Variants in HK1 observed in about 807,000 individuals in gnomAD.
The protein encoded by HK1 is hexokinase 1, also known as hexokinase-1.
HK1 carries 28 observed loss-of-function variants against 91.6 expected under a neutral mutation model. The ratio of observed to expected loss-of-function variants is 0.31; its 90% CI spans 0.23 to 0.42. The LOEUF is 0.42. Ranked by LOEUF, HK1 falls within the 10% of genes least tolerant of loss-of-function variation. The pLI is 1.00. For missense variants in HK1, 770 were observed against 1,219.8 expected (o/e 0.63, Z 5.49); for synonymous variants, 430 against 468.1 (o/e 0.92, Z 1.05).
At chr10:69,326,855 G>A (rs1014868314) in intron 1 of HK1, among the ~76,000 whole-genome samples, 5 of 152,002 alleles carry the variant, frequency 3.3e-5, no homozygotes, top group African/African-American at 1.2e-4. Flanking sequence ...TTTCATGCAT[G>A]TTTTTACGCT....
intron 7 of HK1, among the ~76,000 whole-genome samples, chr10:69,374,276 C>T (rs925441642): frequency 1.3e-5 from 2 of 152,300 alleles, no homozygotes; most frequent in East Asian, 3.9e-4. Context: ...CTTTGGTGTG[C>T]AGGTCCTTGC....
intron 1 of HK1, among the ~76,000 whole-genome samples, chr10:69,329,972 T>TCATTTGTCTCCCTCTCC (rs1847614525): frequency 6.6e-6 from 1 of 152,032 alleles, no homozygotes; most frequent in African/African-American, 2.4e-5. Flanking sequence ...ATCTCCCTTT[T>TCATTTGTCTCCCTCTCC]CATTTGTCTC....
At chr10:69,270,324 TA>T (rs1844092810) in intron 1 of HK1, among the ~76,000 whole-genome samples, 1 of 152,036 alleles carries the variant, frequency 6.6e-6, no homozygotes, top group African/African-American at 2.4e-5. Context: ...CTCATGCCTG[TA>T]ATCCCTGCAC....
At position 69,380,016 on chromosome 10, in the gene HK1, C is replaced by T. The variant is rs541193570; in HGVS notation, c.1186C>T (p.Arg396Cys). ...VAATLGAILN[R>C]LRDNKGTPRL... ...TGCCACACTGGGCGCCATCTTGAAC[C>T]GCCTGCGTGATAACAAGGGCACACC... The change falls in exon 9 of 18, where the codon CGC becomes TGC. Residue 396 changes from arginine (R) to cysteine (C), a missense_variant. Around this residue, in one of 7 missense-constraint regions of HK1, gnomAD observed 449 missense variants for 665.1 expected, o/e 0.68. Transcript: ENST00000359426. The surrounding 1 kb of genome is among the most constrained non-coding windows in gnomAD (Gnocchi z 4.0). 52 of 1,614,162 alleles carry T rather than the reference C, an allele frequency of 3.2e-5. No individual in the cohort carries two copies. The highest frequency in any genetic ancestry group is 5.5e-5 in the South Asian group (5 of 91,082).
At chr10:69,372,741 T>C (rs541105225) in intron 7 of HK1, among the ~76,000 whole-genome samples, 4 of 152,212 alleles carry the variant, frequency 2.6e-5, no homozygotes, top group African/African-American at 9.6e-5. Flanking sequence ...TACATAGCGG[T>C]CTTTTAAAAA....
chr10:69,372,344 T>G (rs551966219), intron 7 of HK1, among the ~76,000 whole-genome samples: 1 of 152,344 alleles, frequency 6.6e-6, no homozygotes, highest in South Asian at 2.1e-4. Context: ...ATTCCCAAGT[T>G]GCATCACATA....
At chr10:69,387,090 C>T (rs1379052095) in intron 13 of HK1, among the ~76,000 whole-genome samples, 2 of 152,056 alleles carry the variant, frequency 1.3e-5, no homozygotes, top group African/African-American at 4.8e-5. Context: ...AATTGCAGAG[C>T]AGAAACATCA....
At chr10:69,323,213 C>G (rs1441531373) in intron 1 of HK1, among the ~76,000 whole-genome samples, 1 of 151,104 alleles carries the variant, frequency 6.6e-6, no homozygotes, top group South Asian at 2.1e-4. Flanking sequence ...CCACTGCACT[C>G]CAGCCTGGGC....
rs545383142 is a variant in HK1 at position 69,320,221 on chromosome 10, G to T, written c.63+1211G>T. Among the ~76,000 whole-genome samples, 3 of 152,272 alleles carry T rather than the reference G, an allele frequency of 2.0e-5. No homozygotes were observed. The South Asian group carries it at 6.2e-4, about 32-fold the overall frequency. On this transcript the variant is annotated intron_variant, in intron 1 of 17. Coordinates refer to ENST00000359426, the MANE Select transcript of HK1 (RefSeq NM_000188.3). ...GTCAGGGGGATCCAGGTCTCCCAGTGCCTCCACCCAGGAACTTCACCAGGG... is the reference window on the plus strand; with the variant it reads ...GTCAGGGGGATCCAGGTCTCCCAGTTCCTCCACCCAGGAACTTCACCAGGG...
chr10:69,279,464 G>A (rs1477422275), intron 1 of HK1, among the ~76,000 whole-genome samples: 1 of 152,214 alleles, frequency 6.6e-6, no homozygotes, highest in Non-Finnish European at 1.5e-5. Context: ...CCAACTGCAG[G>A]TAGACTGAGA....
chr10:69,339,651 C>T (rs1379915591), intron 1 of HK1, among the ~76,000 whole-genome samples: 1 of 152,184 alleles, frequency 6.6e-6, no homozygotes, highest in Non-Finnish European at 1.5e-5. Flanking sequence ...GTTTTTGGAT[C>T]AATGTCTGTG....
At chr10:69,323,486 A>G (rs1847160234) in intron 1 of HK1, among the ~76,000 whole-genome samples, 1 of 144,172 alleles carries the variant, frequency 6.9e-6, no homozygotes, top group Admixed American at 7.2e-5. Flanking sequence ...GTGTTACCGT[A>G]CTCCAGGCTG....
At chr10:69,365,462 A>G (rs993065154) in intron 4 of HK1, among the ~76,000 whole-genome samples, 3 of 152,248 alleles carry the variant, frequency 2.0e-5, no homozygotes, top group Admixed American at 2.0e-4. Flanking sequence ...TGATGATAAC[A>G]CTGAACTTCA....
chr10:69,311,870 C>T (rs568800571), upstream of HK1, among the ~76,000 whole-genome samples: 8 of 152,182 alleles, frequency 5.3e-5, no homozygotes, highest in Admixed American at 2.0e-4. Flanking sequence ...CTCCTGACCT[C>T]GTGATCCGCC....
At chr10:69,322,143 G>T (rs776304878) in intron 1 of HK1, among the ~76,000 whole-genome samples, 1 of 152,200 alleles carries the variant, frequency 6.6e-6, no homozygotes, top group Admixed American at 6.5e-5. Context: ...ATGGGTCCAG[G>T]AAGGTCAGAA....
chr10:69,357,672 C>T (rs1367393230), intron 2 of HK1, among the ~76,000 whole-genome samples: 1 of 152,102 alleles, frequency 6.6e-6, no homozygotes, highest in Non-Finnish European at 1.5e-5. Context: ...AGGTTGGTCT[C>T]AAACTCCTGA....
At chr10:69,354,726 G>A (rs886501772) in intron 2 of HK1, among the ~76,000 whole-genome samples, 8 of 152,146 alleles carry the variant, frequency 5.3e-5, no homozygotes, top group Non-Finnish European at 7.4e-5. Flanking sequence ...GGGTGCCAAG[G>A]ACAGAGAATC....
At chr10:69,314,000 C>T (rs1846513650), upstream of HK1, among the ~76,000 whole-genome samples, 3 of 152,200 alleles carry the variant, frequency 2.0e-5, no homozygotes, top group South Asian at 6.2e-4. Context: ...TTTACAACTC[C>T]AGCCTCTCCA....
chr10:69,387,099 C>G (rs984946677), intron 13 of HK1, among the ~76,000 whole-genome samples: 19 of 152,068 alleles, frequency 1.2e-4, no homozygotes, highest in African/African-American at 4.6e-4. Flanking sequence ...GCAGAAACAT[C>G]AGACACAGCC....
Sources: gnomAD v4.1 joint callset for allele counts (sites outside exome capture counted in the v4.1 genomes callset) on GRCh38, gnomAD v4.1.1 for gene constraint, gnomAD v4.1.1 regional missense constraint, Gnocchi (gnomAD v3.1) non-coding constraint, MANE v1.5 for transcripts, NCBI Gene and HGNC (gene_info 2026-07-23, HGNC 2026-07-21) for gene names.